The following HDAC8 variants were observed in gnomAD, a reference collection of about 807,000 sequenced individuals.
HDAC8 encodes histone deacetylase-like 1.
A neutral mutation model predicts 32.2 loss-of-function variants in HDAC8; 1 was observed. The ratio of observed to expected loss-of-function variants is 0.03; its 90% CI spans 0.01 to 0.15. The LOEUF is 0.15. HDAC8 is among the 10% of genes least tolerant of loss of function. The pLI is 1.00. For synonymous variants in HDAC8, 108 were observed against 113.9 expected, an observed-to-expected ratio of 0.95 and a Z score of 0.33; for missense variants, 117 against 300.0, an observed-to-expected ratio of 0.39 and a Z score of 4.51.
intron 4 of HDAC8, among the ~76,000 whole-genome samples, chrX:72,541,128 TA>T (rs2050692861): frequency 9.1e-6 from 1 of 109,417 alleles, no homozygotes; most frequent in African/African-American, 3.3e-5. Context: ...TGGAGAACAG[TA>T]AAACAGGAAA....
chrX:72,448,364 G>C (rs993382635), intron 9 of HDAC8, among the ~76,000 whole-genome samples: 1 of 111,998 alleles, frequency 8.9e-6, no homozygotes. Flanking sequence ...ATGGTGTTGG[G>C]AAAACTGGCT....
intron 9 of HDAC8, among the ~76,000 whole-genome samples, chrX:72,355,463 C>T (rs2044310119): frequency 9.0e-6 from 1 of 111,492 alleles, no homozygotes; most frequent in Admixed American, 9.5e-5. Flanking sequence ...TTCTGGGCTT[C>T]AGTTTATGCA....
intron 7 of HDAC8, among the ~76,000 whole-genome samples, chrX:72,476,849 C>T (rs1240785332): frequency 1.8e-5 from 2 of 111,555 alleles, no homozygotes; most frequent in East Asian, 2.8e-4. Context: ...CTGGTGAGTT[C>T]AGCACAGCAC....
intron 9 of HDAC8, among the ~76,000 whole-genome samples, chrX:72,383,209 A>G (rs1481114335): frequency 8.9e-6 from 1 of 112,193 alleles, no homozygotes; most frequent in Middle Eastern, 4.2e-3. Flanking sequence ...TGATGTTTCT[A>G]ACATTGACCT....
intron 4 of HDAC8, among the ~76,000 whole-genome samples, chrX:72,550,366 A>G (rs1364522368): frequency 9.1e-6 from 1 of 110,171 alleles, no homozygotes; most frequent in Non-Finnish European, 1.9e-5. Flanking sequence ...ACCTCTAAGC[A>G]TCTGCACATG....
At chrX:72,349,211 G>A (rs782578285) in intron 10 of HDAC8, among the ~76,000 whole-genome samples, 13 of 112,200 alleles carry the variant, frequency 1.2e-4, no homozygotes, top group Non-Finnish European at 2.3e-4. Context: ...CCACATCCCC[G>A]AGGTCTTCTC....
At position 72,438,204 on chromosome X, in the gene HDAC8, G is replaced by A. The variant is rs781837881; in HGVS notation, c.1005+23800C>T. ...CGCTGGTGATACCCAGGCAAACAGC[G>A]TCTGGAGTGGACCTCCAGCAAACTC... On this transcript the variant is annotated intron_variant, in intron 9 of 10. Coordinates refer to ENST00000373573, the MANE Select transcript of HDAC8 (RefSeq NM_018486.3). Among the ~76,000 whole-genome samples the A allele has an allele frequency of 5.4e-5, 6 of 112,076 alleles. No homozygotes were observed. The East Asian group carries it at 1.1e-3, about 21-fold the overall frequency.
At chrX:72,435,307 G>A (rs1555978769) in intron 9 of HDAC8, among the ~76,000 whole-genome samples, 2 of 111,774 alleles carry the variant, frequency 1.8e-5, no homozygotes, top group East Asian at 2.8e-4. Context: ...TGAAGCGTAA[G>A]AGCACAGAGT....
chrX:72,387,077 A>C (rs1418833560), intron 9 of HDAC8, among the ~76,000 whole-genome samples: 1 of 112,402 alleles, frequency 8.9e-6, no homozygotes, highest in African/African-American at 3.2e-5. Context: ...AAAAGAAAAC[A>C]AAACAAAATC....
At chrX:72,495,331 C>A in intron 4 of HDAC8, 63 bp from the exon 5 acceptor site, 1 of 719,588 alleles carries the variant, frequency 1.4e-6, no homozygotes, top group Non-Finnish European at 2.1e-6. Flanking sequence ...TCTTTACAGC[C>A]AAGGATCTAA....
chrX:72,343,368 T>A (rs192588471), intron 10 of HDAC8, among the ~76,000 whole-genome samples: 1 of 110,172 alleles, frequency 9.1e-6, no homozygotes, highest in Non-Finnish European at 1.9e-5. Flanking sequence ...AGACAGGGTT[T>A]TGCCATGTTG....
chrX:72,378,977 C>T (rs991723635), intron 9 of HDAC8, among the ~76,000 whole-genome samples: 3 of 109,835 alleles, frequency 2.7e-5, no homozygotes, highest in Non-Finnish European at 5.7e-5. Flanking sequence ...CCTGCCTGAG[C>T]CTCCCGAGTA....
intron 4 of HDAC8, among the ~76,000 whole-genome samples, chrX:72,521,546 A>T (rs939889025): frequency 9.0e-6 from 1 of 111,016 alleles, no homozygotes. Flanking sequence ...TCAGAAAACC[A>T]GGGAAACCTT....
chrX:72,562,360 A>T (rs1369839109), intron 4 of HDAC8, among the ~76,000 whole-genome samples: 3 of 112,651 alleles, frequency 2.7e-5, no homozygotes, highest in Non-Finnish European at 3.7e-5. Flanking sequence ...ATAAAAAGGA[A>T]TGAGATAATG....
rs782479872 is a variant in HDAC8, at chrX:72,330,005, A to C, written c.*49T>G. The C allele has an allele frequency of 1.8e-6, 2 of 1,129,055 alleles. No individual in the cohort carries two copies. Among genetic ancestry groups the C allele is most frequent in the Admixed American group, 4.4e-5 (2 of 44,976 alleles). 93.0% of individuals were successfully genotyped at this position (1,129,055 alleles called of 1,213,427 possible). A position where few individuals can be genotyped will look rare whatever the true frequency, so the allele number is the denominator to read the frequency against. On this transcript the variant is annotated 3_prime_UTR_variant, in exon 11 of 11. Transcript: ENST00000373573. ...CTGCTTGCATAAACACGCTGTCTTC[A>C]TTATAGGCACCACTCCTCAGCTCTG...
chrX:72,468,482 C>A (rs1555996065), intron 7 of HDAC8, among the ~76,000 whole-genome samples: 1 of 111,961 alleles, frequency 8.9e-6, no homozygotes, highest in Non-Finnish European at 1.9e-5. Flanking sequence ...TTTCCTATTG[C>A]CACTTCCAAA....
intron 9 of HDAC8, among the ~76,000 whole-genome samples, chrX:72,417,132 C>A (rs990632556): frequency 6.3e-5 from 7 of 111,397 alleles, no homozygotes; most frequent in Non-Finnish European, 1.1e-4. Context: ...TCTGCTACTT[C>A]ATGGGAAAAA....
intron 9 of HDAC8, among the ~76,000 whole-genome samples, chrX:72,354,824 A>C (rs2044284910): frequency 8.9e-6 from 1 of 112,105 alleles, no homozygotes; most frequent in Non-Finnish European, 1.9e-5. Context: ...TGACGATGAC[A>C]AATGCTGACC....
intron 9 of HDAC8, among the ~76,000 whole-genome samples, chrX:72,362,050 G>A (rs782096345): frequency 9.0e-6 from 1 of 110,693 alleles, no homozygotes; most frequent in East Asian, 2.9e-4. Context: ...CATATGGGAT[G>A]AGCCCTACAT....
Sources: gnomAD v4.1 joint callset for allele counts (sites outside exome capture counted in the v4.1 genomes callset) on GRCh38, gnomAD v4.1.1 for gene constraint, MANE v1.5 for transcripts, NCBI Gene and HGNC (gene_info 2026-07-23, HGNC 2026-07-21) for gene names.